Variants in PCNX1 observed in about 807,000 individuals in gnomAD.
The protein encoded by PCNX1 is pecanex-like protein 1.
In PCNX1, 78 loss-of-function variants were observed where a neutral mutation model predicts 242.2. The ratio of observed to expected loss-of-function variants is 0.32; its 90% CI spans 0.27 to 0.39. PCNX1 has a LOEUF of 0.39. Ranked by LOEUF, PCNX1 falls within the 10% of genes least tolerant of loss-of-function variation. The probability of loss-of-function intolerance (pLI) is 1.00; values close to 1 mark genes in which losing one functional copy is unlikely to be tolerated. For synonymous variants in PCNX1, 1,024 were observed against 1,032.9 expected (o/e 0.99, Z 0.17); for missense variants, 2,581 against 2,856.5 (o/e 0.90, Z 2.20).
chr14:70,978,751 T>C, intron 6 of PCNX1, 103 bp downstream of exon 6: 1 of 1,012,930 alleles, frequency 9.9e-7, no homozygotes, highest in South Asian at 1.9e-5. Context: ...TATTCCCCCT[T>C]CCACTGTGTT....
At chr14:71,030,371 T>C (rs1311750201) in intron 16 of PCNX1, among the ~76,000 whole-genome samples, 1 of 152,126 alleles carries the variant, frequency 6.6e-6, no homozygotes, top group African/African-American at 2.4e-5. Flanking sequence ...TTAGAATGCA[T>C]GTGGTCCATT....
intron 28 of PCNX1, among the ~76,000 whole-genome samples, chr14:71,077,615 G>A (rs2061750458): frequency 1.3e-5 from 2 of 151,968 alleles, no homozygotes; most frequent in South Asian, 4.1e-4. Flanking sequence ...AGTATATACT[G>A]AGCAGAGTAG....
At chr14:70,949,832 A>G (rs760161038) in intron 2 of PCNX1, among the ~76,000 whole-genome samples, 1 of 152,222 alleles carries the variant, frequency 6.6e-6, no homozygotes, top group Non-Finnish European at 1.5e-5. Flanking sequence ...GGTACCCCTA[A>G]TATAACTCTT....
In PCNX1 at chr14:71,011,545, A is replaced by T; in HGVS notation, c.2774A>T (p.Asp925Val). 2 of 1,525,786 alleles carry T rather than the reference A, an allele frequency of 1.3e-6. No individual in the cohort carries two copies. Among genetic ancestry groups the T allele is most frequent in the Non-Finnish European group, 9.1e-7 (1 of 1,102,628 alleles). The allele number at this position is 1,525,786 out of a possible 1,614,324, so 94.5% of individuals were successfully genotyped here. A position where few individuals can be genotyped will look rare whatever the true frequency, so the allele number is the denominator to read the frequency against. ...ACCTCAGTTCGATTTTATCCACATG[A>T]TGTGGTAGGTTTTTCTTTATTTTTA... Reference protein sequence around the residue: ...SSTSVRFYPHDVLSLPQIRLN... With the variant: ...SSTSVRFYPHVVLSLPQIRLN... The change falls in exon 10 of 36, where the codon GAT becomes GTT. Residue 925 changes from aspartate (D) to valine (V), a missense_variant. Asp to Val is a radical substitution (Grantham distance 152, BLOSUM62 -3). Coordinates refer to ENST00000304743, the MANE Select transcript of PCNX1 (RefSeq NM_014982.3).
chr14:71,014,691 A>G (rs1566701355), intron 11 of PCNX1, among the ~76,000 whole-genome samples: 2 of 152,114 alleles, frequency 1.3e-5, no homozygotes, highest in Admixed American at 1.3e-4. Context: ...ATGAAACAGA[A>G]GAGTCCACTG....
At position 71,110,302 on chromosome 14, in the gene PCNX1, A is replaced by G. The variant is rs1435264358; in HGVS notation, c.*367A>G. The G allele has an allele frequency of 3.1e-6, 1 of 318,540 alleles. No individual in the cohort carries two copies. The highest frequency in any genetic ancestry group is 2.2e-5 in the African/African-American group (1 of 45,918). 19.7% of individuals were successfully genotyped at this position (318,540 alleles called of 1,614,324 possible). On this transcript the variant is annotated 3_prime_UTR_variant, in exon 36 of 36. Coordinates refer to ENST00000304743, the MANE Select transcript of PCNX1 (RefSeq NM_014982.3). ...TCATATTTTTCTAATTTCTTTGCCAAAAATAATTGCCATGTTTTGTCATAG... is the reference window on the plus strand; with the variant it reads ...TCATATTTTTCTAATTTCTTTGCCAGAAATAATTGCCATGTTTTGTCATAG...
chr14:70,934,299 T>G (rs1281314800), intron 1 of PCNX1, among the ~76,000 whole-genome samples: 1 of 152,206 alleles, frequency 6.6e-6, no homozygotes, highest in Non-Finnish European at 1.5e-5. Flanking sequence ...GACTAAACTG[T>G]GGGGTAAATG....
intron 24 of PCNX1, among the ~76,000 whole-genome samples, chr14:71,054,217 G>A (rs1213844792): frequency 6.6e-6 from 1 of 152,216 alleles, no homozygotes; most frequent in Admixed American, 6.5e-5. Flanking sequence ...CTGTGAACTT[G>A]TGGGACTATA....
At chr14:71,004,078 C>A (rs1369784402) in intron 8 of PCNX1, among the ~76,000 whole-genome samples, 1 of 152,202 alleles carries the variant, frequency 6.6e-6, no homozygotes, top group Non-Finnish European at 1.5e-5. Context: ...CAGCTCTATA[C>A]CTACCTGTTT....
intron 22 of PCNX1, among the ~76,000 whole-genome samples, chr14:71,049,901 GCAT>G (rs1235609568): frequency 6.6e-6 from 1 of 152,180 alleles, no homozygotes; most frequent in African/African-American, 2.4e-5. Context: ...TTCAACTGTG[GCAT>G]ATTCAACCTT....
At chr14:70,913,311 G>A (rs962857278) in intron 1 of PCNX1, among the ~76,000 whole-genome samples, 1 of 152,172 alleles carries the variant, frequency 6.6e-6, no homozygotes, top group Non-Finnish European at 1.5e-5. Context: ...GATTGTGGTA[G>A]GCTGTATCAT....
chr14:71,042,217 T>C (rs776463864), intron 19 of PCNX1, among the ~76,000 whole-genome samples: 1 of 152,302 alleles, frequency 6.6e-6, no homozygotes, highest in African/African-American at 2.4e-5. Context: ...AAGTCTGATA[T>C]TTCTTTGTTG....
Position 71,102,221 on chromosome 14 carries a change from G to A in PCNX1, c.5820+1G>A. 6.2e-7 allele frequency: 1 copy of A among 1,600,586 alleles called. No homozygotes were observed. The highest frequency in any genetic ancestry group is 8.6e-7 in the Non-Finnish European group (1 of 1,167,748). ...CTACCTGAGCTTCAGGGTCATTAAA[G>A]TAAGTGTTTGAGGTATTTATTTGGT... On this transcript the variant is annotated splice_donor_variant, in intron 31 of 35. Transcript: ENST00000304743. LOFTEE classifies it high-confidence loss of function.
chr14:70,946,688 A>C (rs1316612791), intron 1 of PCNX1, among the ~76,000 whole-genome samples: 2 of 152,188 alleles, frequency 1.3e-5, no homozygotes, highest in African/African-American at 2.4e-5. Flanking sequence ...GTTTATTCTC[A>C]CTTTACATCT....
At position 70,984,077 on chromosome 14, in the gene PCNX1, G is replaced by GAT. The variant is rs966528647; in HGVS notation, c.2312-4480_2312-4479dup. On this transcript the variant is annotated intron_variant, in intron 6 of 35. Coordinates refer to ENST00000304743, the MANE Select transcript of PCNX1 (RefSeq NM_014982.3). Reference sequence around the variant, plus strand: ...TTGCAGATGCCTTTTCTTTTTCTGAGATATATATATACTTGTTTCATACTT... The same window carrying GAT: ...TTGCAGATGCCTTTTCTTTTTCTGAGATATATATATATACTTGTTTCATACTT... Among the ~76,000 whole-genome samples the GAT allele has an allele frequency of 2.8e-4, 43 of 151,062 alleles. 1 individual carries two copies. The highest frequency in any genetic ancestry group is 3.2e-3 in the Middle Eastern group (1 of 316).
At chr14:70,978,773 C>G in intron 6 of PCNX1, 125 bp downstream of exon 6, 1 of 863,314 alleles carries the variant, frequency 1.2e-6, no homozygotes, top group Non-Finnish European at 1.7e-6. Context: ...TTAAAATAAG[C>G]TTTCTTGAAT....
intron 30 of PCNX1, among the ~76,000 whole-genome samples, chr14:71,100,243 GT>G (rs1171062259): frequency 1.3e-5 from 2 of 152,014 alleles, no homozygotes; most frequent in East Asian, 3.9e-4. Context: ...TTATTTTTTT[GT>G]TTCCATGTTT....
At chr14:70,938,725 T>C (rs1042867710) in intron 1 of PCNX1, among the ~76,000 whole-genome samples, 1 of 152,216 alleles carries the variant, frequency 6.6e-6, no homozygotes, top group Non-Finnish European at 1.5e-5. Flanking sequence ...TCCTTATACC[T>C]CTGGTAGAAT....
rs371503325 is a variant in PCNX1, at chr14:70,950,106, A to AT, written c.362+2990dup. 3.5e-3 allele frequency among the ~76,000 whole-genome samples: 540 copies of AT among 152,138 alleles called. 1 individual carries two copies. Among genetic ancestry groups the AT allele is most frequent in the African/African-American group, 0.013 (523 of 41,508 alleles). ...CCTTTGTTTATTCCTTTTCAATTAC[A>AT]TTTTTTTCCTTATTCTTAACATGAG... On this transcript the variant is annotated intron_variant, in intron 2 of 35. Transcript: ENST00000304743.
Sources: allele counts gnomAD v4.1 joint callset (sites outside exome capture counted in the v4.1 genomes callset), GRCh38; gene constraint gnomAD v4.1.1; transcripts MANE v1.5; gene names NCBI Gene and HGNC (gene_info 2026-07-23, HGNC 2026-07-21).